Variants in WDR62 observed in about 807,000 individuals in gnomAD.
WDR62 encodes WD repeat domain 62.
In WDR62, 112 loss-of-function variants were observed where a neutral mutation model predicts 160.6. That is an observed-to-expected ratio of 0.70 (90% CI 0.60 to 0.82). WDR62 has a LOEUF of 0.82. WDR62 is among the 40% of genes least tolerant of loss of function. The pLI is 0.00. For synonymous variants in WDR62, 792 were observed against 815.1 expected, an observed-to-expected ratio of 0.97 and a Z score of 0.48; for missense variants, 1,819 against 1,983.8, an observed-to-expected ratio of 0.92 and a Z score of 1.58.
At chr19:36,106,691 C>T (rs1046468027), downstream of WDR62, among the ~76,000 whole-genome samples, 3 of 152,176 alleles carry the variant, frequency 2.0e-5, no homozygotes, top group South Asian at 2.1e-4. Context: ...GAAGCCCGGA[C>T]GGCTGGAATG....
intron 3 of WDR62, among the ~76,000 whole-genome samples, chr19:36,063,779 A>T (rs541725175): frequency 6.6e-6 from 1 of 152,164 alleles, no homozygotes; most frequent in African/African-American, 2.4e-5. Flanking sequence ...CTCCACTTCA[A>T]AGCCTCTCTT....
At chr19:36,101,864 G>T (rs1973365638) in intron 25 of WDR62, 90 bp downstream of exon 25, 2 of 1,506,120 alleles carry the variant, frequency 1.3e-6, no homozygotes, top group African/African-American at 2.8e-5. Context: ...TGCACTTGGA[G>T]CCCACTGAGC....
chr19:36,072,797 T>G (rs528941148), intron 8 of WDR62, among the ~76,000 whole-genome samples: 40 of 152,292 alleles, frequency 2.6e-4, no homozygotes, highest in African/African-American at 9.6e-4. Flanking sequence ...TGACTATACC[T>G]CCCTGTGCTT....
At chr19:36,074,377 TAACC>T (rs1183436090) in intron 9 of WDR62, 1 of 152,534 alleles carries the variant, frequency 6.6e-6, no homozygotes, top group Non-Finnish European at 1.5e-5. Flanking sequence ...TCTCTAAAGT[TAACC>T]AGGCACAGTG....
At chr19:36,084,838 G>A in intron 12 of WDR62, 94 bp downstream of exon 12, 1 of 1,178,478 alleles carries the variant, frequency 8.5e-7, no homozygotes, top group Non-Finnish European at 1.2e-6. Flanking sequence ...TGGTGGGACT[G>A]TGGATGACAG....
In WDR62 at chr19:36,067,272, G is replaced by A. The variant is rs760051490; in HGVS notation, c.562-34G>A. 8 of 1,613,882 alleles carry A rather than the reference G, an allele frequency of 5.0e-6. No homozygotes were observed. In the South Asian group the frequency reaches 6.6e-5, roughly 13 times the overall value. On this transcript the variant is annotated intron_variant, in intron 5 of 31. Transcript: ENST00000401500. ...GCACAAACAGTCCAGTGGAATGAGT[G>A]CTGGCATGAGCTTCTCTGCACTTAT... is the stretch of plus-strand genomic sequence containing the variant.
At chr19:36,062,510 C>G (rs1970699353) in intron 3 of WDR62, 1 of 151,356 alleles carries the variant, frequency 6.6e-6, no homozygotes, top group African/African-American at 2.4e-5. Flanking sequence ...ATTAGCCAGG[C>G]CTGGTGGCAG....
chr19:36,062,452 C>A (rs1417911327), intron 3 of WDR62: 3 of 151,720 alleles, frequency 2.0e-5, no homozygotes, highest in East Asian at 1.9e-4. Flanking sequence ...GAGTTTGAGA[C>A]CAGCCTGGGG....
In WDR62 at chr19:36,071,672, G is replaced by C; in HGVS notation, c.999G>C (p.Lys333Asn). The C allele has an allele frequency of 6.2e-7, 1 of 1,614,210 alleles. No homozygotes were observed. The highest frequency in any genetic ancestry group is 8.5e-7 in the Non-Finnish European group (1 of 1,180,044). Residue 333 changes from lysine (K) to asparagine (N), a missense_variant, in exon 8 of 32, where the codon AAG (lysine) becomes AAC (asparagine). By Grantham distance (94) the Lys-to-Asn change is moderately conservative (BLOSUM62 0). Transcript: ENST00000401500. ...TGCACTACCTCGCCAACCTGCCCAA[G>C]CCACACTACCTTGGGGTAGACGTGG... The part of the protein sequence containing the change: ...HSLHYLANLP[K>N]PHYLGVDVAQ...
chr19:36,092,661 C>T (rs760853703), intron 18 of WDR62, 28 bp from the exon 19 acceptor site: 9 of 1,613,774 alleles, frequency 5.6e-6, no homozygotes, highest in Non-Finnish European at 7.6e-6. Flanking sequence ...CTTCCTCTGC[C>T]TTGTGTGTCT....
intron 15 of WDR62, among the ~76,000 whole-genome samples, chr19:36,090,035 G>T (rs1257578063): frequency 6.6e-6 from 1 of 152,198 alleles, no homozygotes; most frequent in East Asian, 1.9e-4. Flanking sequence ...AGAGATGGGG[G>T]AGCCCAGGGG....
At chr19:36,055,264 C>T (rs868527148) in intron 1 of WDR62, 116 bp downstream of exon 1, 29 of 1,135,806 alleles carry the variant, frequency 2.6e-5, no homozygotes, top group Non-Finnish European at 2.8e-5. Flanking sequence ...CAGGTTGTTC[C>T]CTGCCATGCC....
intron 14 of WDR62, 34 bp from the exon 15 acceptor site, chr19:36,089,151 G>A (rs1202917036): frequency 2.5e-6 from 4 of 1,612,946 alleles, no homozygotes. Context: ...GGGGTTGTCG[G>A]GGCATTCTCT....
intron 28 of WDR62, 30 bp downstream of exon 28, chr19:36,103,104 A>C (rs1340297240): frequency 1.9e-6 from 3 of 1,613,992 alleles, no homozygotes; most frequent in African/African-American, 1.3e-5. Context: ...CCGTCAGGGC[A>C]CGGGGCTGGG....
chr19:36,069,718 C>T (rs62109752), intron 7 of WDR62, among the ~76,000 whole-genome samples: 21,337 of 152,290 alleles, frequency 0.14, 1,865 homozygotes, highest in Middle Eastern at 0.25. Flanking sequence ...ACTGAGTAAA[C>T]GAGACTCCGT....
At position 36,103,023 on chromosome 19, in the gene WDR62, C is replaced by T. The variant is rs765013257; in HGVS notation, c.3411C>T (p.Gly1137=). The part of the protein sequence containing the change: ...KSPEVKLMDR[G]GSQPRAGTGY... Reference sequence around the variant, plus strand: ...CAGAGGTCAAGCTCATGGACCGAGGCGGAAGCCAGCCCAGAGCAGGTACTG... The same window carrying T: ...CAGAGGTCAAGCTCATGGACCGAGGTGGAAGCCAGCCCAGAGCAGGTACTG... The change falls in exon 28 of 32, where the codon GGC becomes GGT. Residue 1137 remains glycine, a synonymous_variant. Coordinates refer to ENST00000401500, the MANE Select transcript of WDR62 (RefSeq NM_001083961.2). 1.4e-5 allele frequency: 22 copies of T among 1,614,026 alleles called. No individual in the cohort carries two copies. The highest frequency in any genetic ancestry group is 7.7e-5 in the South Asian group (7 of 91,092).
chr19:36,098,527 T>TG (rs1973114596), intron 21 of WDR62, among the ~76,000 whole-genome samples: 1 of 148,622 alleles, frequency 6.7e-6, no homozygotes, highest in Non-Finnish European at 1.5e-5. Flanking sequence ...ATCATGCCAC[T>TG]GCACTCCAGC....
rs971907646 is a variant in WDR62, at chr19:36,100,474, C to G, written c.2740-274C>G. Among the ~76,000 whole-genome samples, 79 of 152,350 alleles carry G rather than the reference C, an allele frequency of 5.2e-4. 1 individual carries two copies. The highest frequency in any genetic ancestry group is 1.6e-3 in the African/African-American group (66 of 41,586). ...CGCACCAGGATAACCAGTGTTCTGA[C>G]CTCTCACCAAGGACTGGGTTTCCTA... On this transcript the variant is annotated intron_variant, in intron 22 of 31. Coordinates refer to ENST00000401500, the MANE Select transcript of WDR62 (RefSeq NM_001083961.2).
At chr19:36,055,295 C>T (rs943176530) in intron 1 of WDR62, 147 bp downstream of exon 1, 2 of 801,074 alleles carry the variant, frequency 2.5e-6, no homozygotes, top group Non-Finnish European at 4.0e-6. Context: ...ACCCCCGCCC[C>T]TTTAGCCACG....
Sources: gnomAD v4.1 joint callset for allele counts (sites outside exome capture counted in the v4.1 genomes callset) on GRCh38, gnomAD v4.1.1 for gene constraint, MANE v1.5 for transcripts, NCBI Gene and HGNC (gene_info 2026-07-23, HGNC 2026-07-21) for gene names.